SLC14A2: variants seen among roughly 807,000 people sequenced by gnomAD.
SLC14A2 encodes the protein urea transporter 2.
In SLC14A2, 91 loss-of-function variants were observed where a neutral mutation model predicts 104.6. That is an observed-to-expected ratio of 0.87 (90% confidence interval 0.73 to 1.04). The LOEUF (loss-of-function observed/expected upper bound fraction) is 1.04. Among genes scored for constraint, SLC14A2 ranks in the 50% least tolerant of loss-of-function variants. The pLI, the probability that SLC14A2 is intolerant of heterozygous loss-of-function variation, is 0.00. For synonymous variants in SLC14A2, 476 were observed against 466.4 expected (o/e 1.02, Z -0.27); for missense variants, 1,189 against 1,156.0 (o/e 1.03, Z -0.41).
intron 5 of SLC14A2, among the ~76,000 whole-genome samples, chr18:45,636,429 A>T (rs2045417270): frequency 6.6e-6 from 1 of 152,248 alleles, no homozygotes; most frequent in African/African-American, 2.4e-5. Flanking sequence ...CCTTCCAAGG[A>T]AAAGATGAAG....
At chr18:45,401,358 A>T (rs541038401) in intron 1 of SLC14A2, among the ~76,000 whole-genome samples, 1 of 152,344 alleles carries the variant, frequency 6.6e-6, no homozygotes, top group South Asian at 2.1e-4. Context: ...ATTTTAGGTG[A>T]CTAAAACAAA....
At chr18:45,491,942 G>A (rs1458832339) in intron 2 of SLC14A2, 2 of 152,352 alleles carry the variant, frequency 1.3e-5, no homozygotes, top group Non-Finnish European at 2.9e-5. Flanking sequence ...AAATATGGTA[G>A]GAACATGTTT....
chr18:45,557,183 C>T (rs755992219), intron 2 of SLC14A2, among the ~76,000 whole-genome samples: 74 of 152,188 alleles, frequency 4.9e-4, no homozygotes, highest in Non-Finnish European at 8.8e-4. Flanking sequence ...TGTTGACCCT[C>T]GACCAGTCAC....
intron 1 of SLC14A2, among the ~76,000 whole-genome samples, chr18:45,341,437 A>G (rs1199854864): frequency 6.6e-6 from 1 of 152,202 alleles, no homozygotes; most frequent in Non-Finnish European, 1.5e-5. Context: ...GAGGTTTACC[A>G]GAGTGACACT....
chr18:45,597,780 A>G (rs1304419252), intron 2 of SLC14A2, among the ~76,000 whole-genome samples: 3 of 152,230 alleles, frequency 2.0e-5, no homozygotes, highest in Non-Finnish European at 4.4e-5. Context: ...TCTGCAGCCT[A>G]TTCACCTAAT....
chr18:45,366,009 AT>A (rs1247868642), intron 1 of SLC14A2, among the ~76,000 whole-genome samples: 3 of 151,430 alleles, frequency 2.0e-5, no homozygotes, highest in Non-Finnish European at 3.0e-5. Flanking sequence ...AAAAAAAAAA[AT>A]CAACTTCAAT....
intron 1 of SLC14A2, among the ~76,000 whole-genome samples, chr18:45,248,361 G>A (rs2084387835): frequency 6.6e-6 from 1 of 152,110 alleles, no homozygotes; most frequent in Non-Finnish European, 1.5e-5. Context: ...GGGCCTGTCT[G>A]AGGTTCATGA....
At chr18:45,389,605 A>G (rs183227382) in intron 1 of SLC14A2, among the ~76,000 whole-genome samples, 49 of 152,346 alleles carry the variant, frequency 3.2e-4, no homozygotes, top group Admixed American at 2.5e-3. Context: ...GGAATTTTCT[A>G]CCAAAGGTTC....
At chr18:45,260,531 T>A (rs899078465) in intron 1 of SLC14A2, among the ~76,000 whole-genome samples, 9 of 152,086 alleles carry the variant, frequency 5.9e-5, no homozygotes, top group Non-Finnish European at 1.0e-4. Context: ...GCAGCACTAT[T>A]CACAATAGAA....
intron 1 of SLC14A2, among the ~76,000 whole-genome samples, chr18:45,289,512 C>T (rs766248545): frequency 2.6e-5 from 4 of 152,202 alleles, no homozygotes; most frequent in Non-Finnish European, 5.9e-5. Flanking sequence ...CTGATAAACT[C>T]TAATGAAGCA....
the SLC14A2 span, among the ~76,000 whole-genome samples, chr18:45,175,482 G>A: frequency 1.3e-5 from 2 of 152,124 alleles, no homozygotes; most frequent in African/African-American, 2.4e-5. Context: ...CAATGCTGAG[G>A]TCTTTGTGTG....
At chr18:45,524,103 G>C (rs2043556832) in intron 2 of SLC14A2, among the ~76,000 whole-genome samples, 1 of 152,210 alleles carries the variant, frequency 6.6e-6, no homozygotes, top group Non-Finnish European at 1.5e-5. Flanking sequence ...GCAGTAACAA[G>C]TATAAAGCAC....
At position 45,667,972 on chromosome 18, in the gene SLC14A2, C is replaced by G; in HGVS notation, c.1857C>G (p.Cys619Trp). 1.2e-6 allele frequency: 2 copies of G among 1,614,146 alleles called. No homozygotes were observed. Among genetic ancestry groups the G allele is most frequent in the Non-Finnish European group, 1.7e-6 (2 of 1,180,008 alleles). ...ACCCCTGGTGGGCGATCTCAGGCTG[C>G]CTGGGTACCATCATGTCCACCTTGA... ...IQNPWWAISG[C>W]LGTIMSTLTA... is the part of the protein sequence containing the mutation. The change falls in exon 14 of 20, where the codon TGC becomes TGG. Residue 619 changes from cysteine (C) to tryptophan (W), a missense_variant. Transcript: ENST00000255226.
intron 1 of SLC14A2, among the ~76,000 whole-genome samples, chr18:45,373,954 T>C (rs1158995591): frequency 6.6e-6 from 1 of 152,216 alleles, no homozygotes; most frequent in Non-Finnish European, 1.5e-5. Context: ...CAAGAAATAC[T>C]GTTGCTAAAA....
At chr18:45,293,268 A>G (rs913589960) in intron 1 of SLC14A2, among the ~76,000 whole-genome samples, 1 of 152,124 alleles carries the variant, frequency 6.6e-6, no homozygotes, top group African/African-American at 2.4e-5. Flanking sequence ...GTGTTATTTC[A>G]TTCATTCATT....
chr18:45,306,932 C>G (rs976531781), intron 1 of SLC14A2, among the ~76,000 whole-genome samples: 1 of 152,158 alleles, frequency 6.6e-6, no homozygotes, highest in African/African-American at 2.4e-5. Context: ...CCTCCACCAT[C>G]AGAAGACAAA....
At chr18:45,288,170 T>C (rs2084834031) in intron 1 of SLC14A2, among the ~76,000 whole-genome samples, 1 of 137,210 alleles carries the variant, frequency 7.3e-6, no homozygotes, top group Admixed American at 7.0e-5. Context: ...ATGGTAGCTT[T>C]TGTTGATACT....
At chr18:45,308,344 C>T (rs187975465) in intron 1 of SLC14A2, among the ~76,000 whole-genome samples, 3 of 152,304 alleles carry the variant, frequency 2.0e-5, no homozygotes, top group Admixed American at 1.3e-4. Flanking sequence ...GTAACTTGTT[C>T]AAGGTCATCA....
intron 1 of SLC14A2, among the ~76,000 whole-genome samples, chr18:45,291,106 C>A (rs1293279888): frequency 1.3e-5 from 2 of 152,164 alleles, no homozygotes; most frequent in Non-Finnish European, 2.9e-5. Flanking sequence ...ACCACAGTTC[C>A]TGCCTTCGAG....
Sources: gnomAD v4.1 joint callset for allele counts (sites outside exome capture counted in the v4.1 genomes callset) on GRCh38, gnomAD v4.1.1 for gene constraint, MANE v1.5 for transcripts, NCBI Gene and HGNC (gene_info 2026-07-23, HGNC 2026-07-21) for gene names.